The following GRHL2 variants were observed in gnomAD, a reference collection of about 807,000 sequenced individuals.
The protein encoded by GRHL2 is grainyhead-like protein 2 homolog.
A neutral mutation model predicts 83.8 loss-of-function variants in GRHL2; 21 were observed. The ratio of observed to expected loss-of-function variants is 0.25; its 90% CI spans 0.18 to 0.36. The LOEUF (loss-of-function observed/expected upper bound fraction) is 0.36. GRHL2 is among the 10% of genes least tolerant of loss of function. The probability of loss-of-function intolerance (pLI) is 1.00; values close to 1 mark genes in which losing one functional copy is unlikely to be tolerated. For missense variants in GRHL2, 623 were observed against 781.8 expected, an observed-to-expected ratio of 0.80 and a Z score of 2.42; for synonymous variants, 280 against 278.9, an observed-to-expected ratio of 1.00 and a Z score of -0.04.
At chr8:101,641,510 C>G (rs946713404) in intron 12 of GRHL2, among the ~76,000 whole-genome samples, 2 of 152,154 alleles carry the variant, frequency 1.3e-5, no homozygotes. Context: ...GCAACATTGC[C>G]TTTTACAGGT....
In GRHL2 at chr8:101,499,503, G is replaced by A. The variant is rs117725590; in HGVS notation, c.20+6714G>A. On this transcript the variant is annotated intron_variant, in intron 1 of 15. Transcript: ENST00000646743. ...CACAGCTTCTGCGCATAGAGATAAC[G>A]GTGAGTCTGATTTTAGGTGCTGCTA... is the stretch of plus-strand genomic sequence containing the variant. Among the ~76,000 whole-genome samples, 1,230 of 152,120 alleles carry A rather than the reference G, an allele frequency of 8.1e-3. 6 individuals are homozygous for A. The highest frequency in any genetic ancestry group is 0.071 in the Middle Eastern group (21 of 294).
At chr8:101,521,597 T>C (rs1810685331) in intron 1 of GRHL2, among the ~76,000 whole-genome samples, 1 of 152,172 alleles carries the variant, frequency 6.6e-6, no homozygotes, top group South Asian at 2.1e-4. Flanking sequence ...ATCCCAGTAC[T>C]CAAAGCAGTA....
intron 4 of GRHL2, among the ~76,000 whole-genome samples, chr8:101,568,994 G>A (rs1365688897): frequency 2.0e-5 from 3 of 152,204 alleles, no homozygotes; most frequent in African/African-American, 7.2e-5. Flanking sequence ...GAAAATAGCT[G>A]TGGTAACATT....
rs1355727032 is a variant in GRHL2 at position 101,585,384 on chromosome 8, A to ACAAAC, written c.1003+7877_1003+7881dup. On this transcript the variant is annotated intron_variant, in intron 7 of 15. Transcript: ENST00000646743. ...ATAGATATGAAAAATAAATTTGATT[A>ACAAAC]CAAACCAAACCAAACCTCTTGAGAG... 2.6e-5 allele frequency among the ~76,000 whole-genome samples: 4 copies of ACAAAC among 152,210 alleles called. No homozygotes were observed. In the East Asian group the frequency reaches 7.7e-4, roughly 29 times the overall value.
At position 101,543,259 on chromosome 8, in the gene GRHL2, C is replaced by T. The variant is rs774784244; in HGVS notation, c.39C>T (p.Ala13=). The T allele has an allele frequency of 1.2e-6, 2 of 1,614,002 alleles. No homozygotes were observed. Among genetic ancestry groups the T allele is most frequent in the Non-Finnish European group, 1.7e-6 (2 of 1,179,882 alleles). Residue 13 remains alanine, a synonymous_variant, in exon 2 of 16, where the codon GCC becomes GCT. Transcript: ENST00000646743. ...QESDNNKRLV[A]LVPMPSDPPF... ...TTTACAGTAATAAAAGACTAGTGGC[C>T]TTAGTGCCCATGCCCAGTGACCCTC...
chr8:101,543,255 T>C lies in GRHL2; in HGVS notation c.35T>C (p.Val12Ala), dbSNP rs1475540636. The change falls in exon 2 of 16, where the codon GTG (valine) becomes GCG (alanine). Residue 12 changes from valine to alanine, a missense_variant. This residue lies in a region of GRHL2 where 39 missense variants were observed against 34.8 expected (regional missense o/e 1.12). Transcript: ENST00000646743. ...SQESDNNKRL[V>A]ALVPMPSDPP... is the part of the protein sequence containing the mutation. ...TGTTTTTACAGTAATAAAAGACTAG[T>C]GGCCTTAGTGCCCATGCCCAGTGAC... 3 of 1,613,952 alleles carry C rather than the reference T, an allele frequency of 1.9e-6. No individual in the cohort carries two copies. Among genetic ancestry groups the C allele is most frequent in the East Asian group, 2.2e-5 (1 of 44,892 alleles).
At chr8:101,558,270 C>T in intron 3 of GRHL2, 149 bp from the exon 4 acceptor site, 2 of 844,380 alleles carry the variant, frequency 2.4e-6, no homozygotes, top group Non-Finnish European at 1.9e-6. Flanking sequence ...GCAAGGATCC[C>T]ATTGCGTTTC....
chr8:101,622,525 A>T (rs1055531964), intron 9 of GRHL2, among the ~76,000 whole-genome samples: 1 of 152,186 alleles, frequency 6.6e-6, no homozygotes, highest in African/African-American at 2.4e-5. Context: ...CAATTATTTT[A>T]AAATTGGGAA....
intron 1 of GRHL2, among the ~76,000 whole-genome samples, chr8:101,523,677 G>A (rs1365009223): frequency 6.6e-6 from 1 of 151,646 alleles, no homozygotes; most frequent in Non-Finnish European, 1.5e-5. Flanking sequence ...ATGGGTTTTT[G>A]CCATGTTGTC....
intron 11 of GRHL2, among the ~76,000 whole-genome samples, chr8:101,633,008 G>T (rs1813218301): frequency 6.6e-6 from 1 of 152,090 alleles, no homozygotes; most frequent in East Asian, 1.9e-4. Context: ...TTTAATTATG[G>T]AAACTACATA....
At chr8:101,598,753 C>T (rs1812450918) in intron 7 of GRHL2, among the ~76,000 whole-genome samples, 1 of 151,626 alleles carries the variant, frequency 6.6e-6, no homozygotes, top group African/African-American at 2.4e-5. Context: ...TGACGTAGGG[C>T]TTGGGAGAAA....
chr8:101,510,000 AT>A (rs1289140540), intron 1 of GRHL2, among the ~76,000 whole-genome samples: 1 of 151,942 alleles, frequency 6.6e-6, no homozygotes. Flanking sequence ...TTATTTATTT[AT>A]TTATTTTGAG....
chr8:101,557,259 C>G (rs1586092216), intron 3 of GRHL2, among the ~76,000 whole-genome samples: 1 of 139,622 alleles, frequency 7.2e-6, no homozygotes, highest in Non-Finnish European at 1.5e-5. Flanking sequence ...GAGTCTCGCT[C>G]TGTCCCCCAG....
chr8:101,502,543 A>G (rs1033554818), intron 1 of GRHL2, among the ~76,000 whole-genome samples: 7 of 152,234 alleles, frequency 4.6e-5, no homozygotes, highest in Admixed American at 1.3e-4. Flanking sequence ...GGGATGGTAG[A>G]AAAGTGGTAC....
chr8:101,562,571 T>A (rs1811629998), intron 4 of GRHL2: 1 of 205,990 alleles, frequency 4.9e-6, no homozygotes, highest in South Asian at 1.3e-4. Context: ...AGGTAAGGAT[T>A]GAGACCCTTT....
At chr8:101,508,388 G>T (rs200537751) in intron 1 of GRHL2, among the ~76,000 whole-genome samples, 9 of 139,590 alleles carry the variant, frequency 6.4e-5, no homozygotes, top group East Asian at 6.2e-4. Flanking sequence ...ATTTACTCAG[G>T]TTTTTTTTTT....
chr8:101,521,412 C>T (rs1361304673), intron 1 of GRHL2, among the ~76,000 whole-genome samples: 1 of 152,190 alleles, frequency 6.6e-6, no homozygotes, highest in African/African-American at 2.4e-5. Context: ...GCCCATGATG[C>T]TTTCTGTGGT....
In GRHL2 at chr8:101,652,448, G is replaced by GTGTGTGTGTGA. The variant is rs1813669891; in HGVS notation, c.1698+2956_1698+2957insGTGATGTGTGT. 8.9e-5 allele frequency among the ~76,000 whole-genome samples: 4 copies of GTGTGTGTGTGA among 45,076 alleles called. 1 individual carries two copies. The South Asian group carries it at 2.3e-3, about 26-fold the overall frequency. 29.6% of individuals were successfully genotyped at this position (45,076 alleles called of 152,430 possible). On this transcript the variant is annotated intron_variant, in intron 14 of 15. Coordinates refer to ENST00000646743, the MANE Select transcript of GRHL2 (RefSeq NM_024915.4). ...GTGGTGTGTGTGTCTGGTGTGTGTG[G>GTGTGTGTGTGA]TGTGTGTCTGGTGTGTGTGGTGTGT...
At position 101,552,685 on chromosome 8, in the gene GRHL2, T is replaced by C. The variant is rs372991817; in HGVS notation, c.217-30T>C. ...ACATGGTCATGGTTGCCTCTGTGTA[T>C]GTCTGACTGATGGTTGGTGATGTTT... On this transcript the variant is annotated intron_variant, in intron 2 of 15. Coordinates refer to ENST00000646743, the MANE Select transcript of GRHL2 (RefSeq NM_024915.4). The C allele has an allele frequency of 6.5e-5, 104 of 1,610,876 alleles. 1 individual carries two copies. In the African/African-American group the frequency reaches 7.2e-4, roughly 11 times the overall value.
Sources: allele counts gnomAD v4.1 joint callset (sites outside exome capture counted in the v4.1 genomes callset), GRCh38; gene constraint gnomAD v4.1.1; regional missense constraint gnomAD v4.1.1; transcripts MANE v1.5; gene names NCBI Gene and HGNC (gene_info 2026-07-23, HGNC 2026-07-21).